Variants in IL10RA observed in about 807,000 individuals in gnomAD.
IL10RA encodes the protein interleukin 10 receptor subunit alpha, also known as interleukin-10 receptor subunit alpha.
In IL10RA, 18 loss-of-function variants were observed where a neutral mutation model predicts 29.6. The observed-to-expected ratio is 0.61, with a 90% CI of 0.42 to 0.90. IL10RA has a LOEUF of 0.90. Ranked by LOEUF, IL10RA falls within the 40% of genes least tolerant of loss-of-function variation. The pLI is 0.00. For missense variants in IL10RA, 634 were observed against 716.6 expected (o/e 0.88, Z 1.32); for synonymous variants, 292 against 294.1 (o/e 0.99, Z 0.07).
Position 117,999,303 on chromosome 11 carries a change from T to C in IL10RA, c.1399T>C (p.Ser467Pro), listed in dbSNP as rs2058077626. Reference protein sequence around the residue: ...ATKTGCLEEESPLTDGLGPKF... With the variant: ...ATKTGCLEEEPPLTDGLGPKF... ...CAAGACAGGCTGCCTGGAGGAAGAA[T>C]CGCCCTTGACAGATGGCCTTGGCCC... is the stretch of plus-strand genomic sequence containing the variant. The change falls in exon 7 of 7, where the codon TCG becomes CCG. Residue 467 changes from serine (S) to proline (P), a missense_variant. Transcript: ENST00000227752. 2 of 1,614,064 alleles carry C rather than the reference T, an allele frequency of 1.2e-6. No individual in the cohort carries two copies.
downstream of IL10RA, chr11:118,002,513 GCTTATTCCC>G: frequency 6.6e-6 from 1 of 152,332 alleles, no homozygotes; most frequent in East Asian, 1.9e-4. Context: ...GTTAGCGATG[GCTTATTCCC>G]CATGGAAAAG....
intron 5 of IL10RA, among the ~76,000 whole-genome samples, chr11:117,994,700 G>T (rs1221812367): frequency 1.3e-5 from 2 of 152,222 alleles, no homozygotes; most frequent in African/African-American, 4.8e-5. Flanking sequence ...TGGCTGGGGA[G>T]ATAGAGTGTG....
intron 2 of IL10RA, 124 bp downstream of exon 2, chr11:117,988,626 G>A: frequency 9.0e-7 from 1 of 1,110,946 alleles, no homozygotes; most frequent in East Asian, 2.5e-5. Flanking sequence ...CTAACACATA[G>A]CCAGCAGTTG....
At position 117,993,237 on chromosome 11, in the gene IL10RA, T is replaced by A. The variant is rs779063521; in HGVS notation, c.368-4T>A. Reference sequence around the variant, plus strand: ...GTATTCCCCCCCACCCCAACTCCATTTAGTGACTCTGACAGTTGGCAGTGT... The same window carrying A: ...GTATTCCCCCCCACCCCAACTCCATATAGTGACTCTGACAGTTGGCAGTGT... On this transcript the variant is annotated splice_polypyrimidine_tract_variant and splice_region_variant and intron_variant, in intron 3 of 6. Transcript: ENST00000227752. 1 of 1,612,612 alleles carries A rather than the reference T, an allele frequency of 6.2e-7. No individual in the cohort carries two copies. The highest frequency in any genetic ancestry group is 8.5e-7 in the Non-Finnish European group (1 of 1,178,882).
intron 3 of IL10RA, among the ~76,000 whole-genome samples, chr11:117,992,857 T>C (rs2058032159): frequency 6.6e-6 from 1 of 152,236 alleles, no homozygotes; most frequent in South Asian, 2.1e-4. Context: ...CCATTTTGTG[T>C]TGATTGTTGC....
At chr11:117,986,922 TC>T in intron 1 of IL10RA, 8 of 968,310 alleles carry the variant, frequency 8.3e-6, no homozygotes, top group Non-Finnish European at 1.2e-5. Flanking sequence ...AGTCGACTCT[TC>T]AACTAACCTC....
At chr11:117,986,806 G>C (rs1157003103) in intron 1 of IL10RA, 12 of 1,516,674 alleles carry the variant, frequency 7.9e-6, no homozygotes, top group Non-Finnish European at 9.7e-6. Context: ...CCCACTTCTA[G>C]ATGAGCCGTA....
chr11:117,992,080 C>T (rs1345830887), intron 3 of IL10RA, among the ~76,000 whole-genome samples: 1 of 152,164 alleles, frequency 6.6e-6, no homozygotes, highest in Non-Finnish European at 1.5e-5. Flanking sequence ...GTTGTATATA[C>T]ATACCACATT....
At position 118,001,004 on chromosome 11, in the gene IL10RA, A is replaced by C. The variant is rs1219203201; in HGVS notation, c.*1363A>C. 2.2e-6 allele frequency: 1 copy of C among 454,176 alleles called. No homozygotes were observed. The highest frequency in any genetic ancestry group is 2.3e-5 in the Admixed American group (1 of 42,578). 28.1% of individuals were successfully genotyped at this position (454,176 alleles called of 1,614,324 possible). A position where few individuals can be genotyped will look rare whatever the true frequency, so the allele number is the denominator to read the frequency against. The stretch of plus-strand genomic sequence containing the variant: ...GGACAGGCCTGTGCGTGCCATCCAG[A>C]GTCATCTCAGCCCTGCCTTTCTCTG... On this transcript the variant is annotated 3_prime_UTR_variant, in exon 7 of 7. Coordinates refer to ENST00000227752, the MANE Select transcript of IL10RA (RefSeq NM_001558.4).
chr11:117,995,058 T>C (rs2134990740), intron 5 of IL10RA: 2 of 170,502 alleles, frequency 1.2e-5, no homozygotes, highest in Middle Eastern at 6.1e-3. Context: ...AACTTCTATG[T>C]GCTTCAGGAT....
At chr11:117,992,927 A>G in intron 3 of IL10RA, 1 of 375,250 alleles carries the variant, frequency 2.7e-6, no homozygotes, top group South Asian at 2.8e-5. Flanking sequence ...CAGTTTTCCC[A>G]ACACCATTTG....
intron 6 of IL10RA, among the ~76,000 whole-genome samples, chr11:117,995,976 G>A (rs1328303970): frequency 6.6e-6 from 1 of 152,162 alleles, no homozygotes; most frequent in Admixed American, 6.5e-5. Context: ...GAGCCATTTT[G>A]ATATGATCTA....
chr11:117,992,109 A>G (rs1029342711), intron 3 of IL10RA, among the ~76,000 whole-genome samples: 2 of 152,198 alleles, frequency 1.3e-5, no homozygotes, highest in African/African-American at 4.8e-5. Flanking sequence ...CCATTCATCC[A>G]TTGGTGGGCA....
chr11:117,993,919 C>T, intron 4 of IL10RA, 80 bp from the exon 5 acceptor site: 1 of 1,300,524 alleles, frequency 7.7e-7, no homozygotes, highest in Non-Finnish European at 1.1e-6. Context: ...CTGAAATCAC[C>T]TCTAAAGGCC....
chr11:117,988,866 TTCTCCCA>T (rs1483149809), intron 2 of IL10RA, among the ~76,000 whole-genome samples: 4 of 152,232 alleles, frequency 2.6e-5, no homozygotes, highest in African/African-American at 4.8e-5. Flanking sequence ...GTTCAAGCAA[TTCTCCCA>T]TCTCAGCCTC....
rs1188508876 is a variant in IL10RA, at chr11:118,000,432, G to T, written c.*791G>T. 2.2e-6 allele frequency: 1 copy of T among 454,144 alleles called. No homozygotes were observed. Among genetic ancestry groups the T allele is most frequent in the East Asian group, 6.9e-5 (1 of 14,534 alleles). 28.1% of individuals were successfully genotyped at this position (454,144 alleles called of 1,614,324 possible). ...AAGCCACTCACATCCTCACTTTGCT[G>T]CCCCACCATCTTGCTGACAACTTCC... On this transcript the variant is annotated 3_prime_UTR_variant, in exon 7 of 7. Coordinates refer to ENST00000227752, the MANE Select transcript of IL10RA (RefSeq NM_001558.4).
At chr11:117,988,283 G>A in intron 1 of IL10RA, 99 bp from the exon 2 acceptor site, 1 of 1,522,000 alleles carries the variant, frequency 6.6e-7, no homozygotes, top group South Asian at 1.1e-5. Context: ...CCTCGGGCGA[G>A]TCATAGCCTC....
rs2058089396 is a variant in IL10RA, at chr11:118,000,540, C to T, written c.*899C>T. ...CTTGGGCACCAGCTCATGCCAGCCC[C>T]AGAGGGTCAGGGTTGGAGGCCTGTG... is the stretch of plus-strand genomic sequence containing the variant. On this transcript the variant is annotated 3_prime_UTR_variant, in exon 7 of 7. Transcript: ENST00000227752. The T allele has an allele frequency of 2.2e-6, 1 of 454,172 alleles. No homozygotes were observed. Among genetic ancestry groups the T allele is most frequent in the Non-Finnish European group, 4.4e-6 (1 of 226,798 alleles). 28.1% of individuals were successfully genotyped at this position (454,172 alleles called of 1,614,324 possible). A position where few individuals can be genotyped will look rare whatever the true frequency, so the allele number is the denominator to read the frequency against.
rs2058010249 is a variant in IL10RA at position 117,989,739 on chromosome 11, G to A, written c.367+119G>A. ...CCATGTCTGCCAGCCTCCCTGGCCG[G>A]AGAACTAGTTGCCCAAACAGGGCAG... On this transcript the variant is annotated intron_variant, in intron 3 of 6. Transcript: ENST00000227752. The surrounding 1 kb of genome is among the most constrained non-coding windows in gnomAD (Gnocchi z 4.5). The A allele has an allele frequency of 2.9e-6, 3 of 1,051,452 alleles. No individual in the cohort carries two copies. The African/African-American group carries it at 4.7e-5, about 17-fold the overall frequency. 65.1% of individuals were successfully genotyped at this position (1,051,452 alleles called of 1,614,324 possible).
Sources: allele counts gnomAD v4.1 joint callset (sites outside exome capture counted in the v4.1 genomes callset), GRCh38; gene constraint gnomAD v4.1.1; non-coding constraint Gnocchi (gnomAD v3.1); transcripts MANE v1.5; gene names NCBI Gene and HGNC (gene_info 2026-07-23, HGNC 2026-07-21).